The following USP7 variants were observed in gnomAD, a reference collection of about 807,000 sequenced individuals.
USP7 encodes ubiquitin specific peptidase 7.
In USP7, 9 loss-of-function variants were observed where a neutral mutation model predicts 162.9. The ratio of observed to expected loss-of-function variants is 0.06; its 90% CI spans 0.03 to 0.10. The LOEUF (loss-of-function observed/expected upper bound fraction) is 0.10. Ranked by LOEUF, USP7 falls within the 10% of genes least tolerant of loss-of-function variation. The probability of loss-of-function intolerance (pLI) is 1.00; values close to 1 mark genes in which losing one functional copy is unlikely to be tolerated. For missense variants in USP7, 715 were observed against 1,373.7 expected (o/e 0.52, Z 7.58); for synonymous variants, 562 against 475.9 (o/e 1.18, Z -2.35).
chr16:8,961,343 G>A (rs528343593), intron 1 of USP7, among the ~76,000 whole-genome samples: 7 of 151,906 alleles, frequency 4.6e-5, no homozygotes, highest in Non-Finnish European at 1.0e-4. Flanking sequence ...AAATACAAAA[G>A]TAGCCAGGCG....
intron 4 of USP7, 143 bp from the exon 5 acceptor site, chr16:8,920,590 G>A: frequency 1.4e-6 from 1 of 703,034 alleles, no homozygotes; most frequent in Non-Finnish European, 2.3e-6. Context: ...GCTAATTTTA[G>A]ACTGTTTCAA....
At position 8,937,843 on chromosome 16, in the gene USP7, G is replaced by A. The variant is rs148552453; in HGVS notation, c.80-7446C>T. Among the ~76,000 whole-genome samples, 382 of 152,296 alleles carry A rather than the reference G, an allele frequency of 2.5e-3. 2 individuals carry two copies. Among genetic ancestry groups the A allele is most frequent in the African/African-American group, 8.6e-3 (359 of 41,558 alleles). On this transcript the variant is annotated intron_variant, in intron 1 of 30. Transcript: ENST00000344836. Reference sequence around the variant, plus strand: ...CAGAAGCCAGGAGACAACTGGACAAGAGAATTGCTCAGGAGACCTGTAGCC... The same window carrying A: ...CAGAAGCCAGGAGACAACTGGACAAAAGAATTGCTCAGGAGACCTGTAGCC...
chr16:8,927,147 C>T (rs959014459), intron 2 of USP7, among the ~76,000 whole-genome samples: 5 of 151,914 alleles, frequency 3.3e-5, no homozygotes, highest in East Asian at 3.9e-4. Flanking sequence ...ATAGTGAAAC[C>T]CCGGCTCTAC....
intron 2 of USP7, among the ~76,000 whole-genome samples, chr16:8,929,795 G>A (rs1898216136): frequency 6.6e-6 from 1 of 152,204 alleles, no homozygotes; most frequent in African/African-American, 2.4e-5. Context: ...TTCTCACAGA[G>A]AAGCTATAGA....
intron 25 of USP7, among the ~76,000 whole-genome samples, chr16:8,897,898 C>G (rs967830507): frequency 1.3e-5 from 2 of 150,386 alleles, no homozygotes; most frequent in South Asian, 2.1e-4. Context: ...GACCCTGTCT[C>G]GAAAAAGAAC....
chr16:8,905,768 G>C (rs1405337892), intron 13 of USP7, among the ~76,000 whole-genome samples: 1 of 152,196 alleles, frequency 6.6e-6, no homozygotes, highest in African/African-American at 2.4e-5. Flanking sequence ...GCATTTTATG[G>C]AAGCAAGTTA....
chr16:8,899,570 G>C lies in USP7; in HGVS notation c.2463+34C>G, dbSNP rs556044900. On this transcript the variant is annotated intron_variant, in intron 22 of 30. Coordinates refer to ENST00000344836, the MANE Select transcript of USP7 (RefSeq NM_003470.3). ...GAAAGAAATTTGTCTTTCTGGAGTG[G>C]GATCTGAAGAGGAAAGGAGCATTTA... The C allele has an allele frequency of 9.4e-6, 15 of 1,603,010 alleles. No homozygotes were observed. In the Admixed American group the frequency reaches 1.0e-4, roughly 11 times the overall value.
chr16:8,894,901 C>G (rs751022644), intron 28 of USP7, 46 bp from the exon 29 acceptor site: 18 of 1,614,106 alleles, frequency 1.1e-5, no homozygotes, highest in Non-Finnish European at 1.4e-5. Context: ...TCCCAGCACC[C>G]CCAGGCCACG....
chr16:8,905,053 T>C (rs2061838776), intron 14 of USP7, 134 bp downstream of exon 14: 2 of 1,093,292 alleles, frequency 1.8e-6, no homozygotes. Flanking sequence ...CCAACCCTGC[T>C]CATTTCTGCG....
intron 2 of USP7, among the ~76,000 whole-genome samples, chr16:8,924,671 T>C (rs756897316): frequency 9.2e-5 from 14 of 152,214 alleles, no homozygotes; most frequent in Non-Finnish European, 1.9e-4. Flanking sequence ...AACAACTGAG[T>C]TCTCAGCATC....
At chr16:8,895,995 C>T (rs1395485292) in intron 26 of USP7, among the ~76,000 whole-genome samples, 1 of 152,078 alleles carries the variant, frequency 6.6e-6, no homozygotes, top group Non-Finnish European at 1.5e-5. Context: ...TGCCACCACA[C>T]TGGGCTGATT....
intron 28 of USP7, 67 bp downstream of exon 28, chr16:8,894,964 G>C: frequency 1.2e-6 from 2 of 1,613,236 alleles, no homozygotes; most frequent in Non-Finnish European, 1.7e-6. Context: ...GCGCAGATTC[G>C]GCAACAGCGG....
intron 5 of USP7, 24 bp downstream of exon 5, chr16:8,920,335 G>T: frequency 6.3e-7 from 1 of 1,587,484 alleles, no homozygotes. Context: ...ATTTTTAACA[G>T]CACCTGATTA....
At chr16:8,945,367 C>G (rs1180950004) in intron 1 of USP7, among the ~76,000 whole-genome samples, 1 of 152,156 alleles carries the variant, frequency 6.6e-6, no homozygotes, top group Non-Finnish European at 1.5e-5. Context: ...TTGGGCAACA[C>G]AGCAAGATGC....
At chr16:8,950,198 T>C (rs1335302843) in intron 1 of USP7, among the ~76,000 whole-genome samples, 1 of 152,160 alleles carries the variant, frequency 6.6e-6, no homozygotes, top group Non-Finnish European at 1.5e-5. Context: ...CAACCACATG[T>C]GGCTAGTGGC....
chr16:8,923,917 G>A (rs1186719921), intron 2 of USP7, among the ~76,000 whole-genome samples: 1 of 152,160 alleles, frequency 6.6e-6, no homozygotes, highest in East Asian at 1.9e-4. Flanking sequence ...GGCAAGACAA[G>A]GGCTACAACA....
rs762364884 is a variant in USP7, at chr16:8,894,653, A to T, written c.3112-13T>A. 17 of 1,612,622 alleles carry T rather than the reference A, an allele frequency of 1.1e-5. No individual in the cohort carries two copies. The highest frequency in any genetic ancestry group is 1.4e-5 in the Non-Finnish European group (16 of 1,179,272). ...TTGCAAATTTAAACTAAAAGAAAAA[A>T]AATTAAAACTCCTCCGTTATTTCTG... On this transcript the variant is annotated splice_polypyrimidine_tract_variant and intron_variant, in intron 29 of 30. Coordinates refer to ENST00000344836, the MANE Select transcript of USP7 (RefSeq NM_003470.3).
intron 6 of USP7, 126 bp downstream of exon 6, chr16:8,918,892 CGCAGCATGAACTA>C: frequency 1.2e-6 from 1 of 809,214 alleles, no homozygotes; most frequent in African/African-American, 1.7e-5. Context: ...GGAATGAAAA[CGCAGCATGAACTA>C]GCAGCCATCT....
At chr16:8,900,950 C>G in intron 20 of USP7, 40 bp downstream of exon 20, 1 of 1,601,816 alleles carries the variant, frequency 6.2e-7, no homozygotes, top group Non-Finnish European at 8.5e-7. Context: ...CCACAAACTA[C>G]TAAGAATATA....
Sources: gnomAD v4.1 joint callset for allele counts (sites outside exome capture counted in the v4.1 genomes callset) on GRCh38, gnomAD v4.1.1 for gene constraint, MANE v1.5 for transcripts, NCBI Gene and HGNC (gene_info 2026-07-23, HGNC 2026-07-21) for gene names.